The following EMP2 variants were observed in gnomAD, a reference collection of about 807,000 sequenced individuals.
EMP2 encodes the protein epithelial membrane protein 2.
EMP2 carries 19 observed loss-of-function variants against 13.7 expected under a neutral mutation model. That is an observed-to-expected ratio of 1.38 (90% CI 0.97 to 2.03). The LOEUF is 2.03. Ranked by LOEUF, EMP2 falls within the 30% of genes most tolerant of loss-of-function variation. The probability of loss-of-function intolerance (pLI) is 0.00; values close to 1 mark genes in which losing one functional copy is unlikely to be tolerated. For synonymous variants in EMP2, 97 were observed against 84.7 expected (o/e 1.15, Z -0.80); for missense variants, 253 against 220.7 (o/e 1.15, Z -0.93).
intron 1 of EMP2, among the ~76,000 whole-genome samples, chr16:10,571,158 T>C (rs1054722249): frequency 6.9e-6 from 1 of 145,808 alleles, no homozygotes; most frequent in Non-Finnish European, 1.5e-5. Context: ...TTTGGAGGCT[T>C]AGGCAGGAGA....
At chr16:10,575,526 T>C (rs190387755) in intron 1 of EMP2, among the ~76,000 whole-genome samples, 3 of 151,996 alleles carry the variant, frequency 2.0e-5, no homozygotes, top group African/African-American at 7.2e-5. Context: ...AGTTCTGGGA[T>C]TACAGGCGTG....
chr16:10,547,383 A>T, intron 2 of EMP2, 157 bp downstream of exon 2: 1 of 777,014 alleles, frequency 1.3e-6, no homozygotes, highest in South Asian at 2.0e-5. Context: ...GGCCTCCCAG[A>T]CATGTGGAAT....
chr16:10,577,377 G>A (rs1001297293), intron 1 of EMP2, among the ~76,000 whole-genome samples: 3 of 152,086 alleles, frequency 2.0e-5, no homozygotes, highest in Admixed American at 1.3e-4. Flanking sequence ...GCACTCTCTC[G>A]CTGGGTGGCA....
intron 1 of EMP2, among the ~76,000 whole-genome samples, chr16:10,560,281 G>A (rs886918669): frequency 6.6e-5 from 10 of 152,290 alleles, no homozygotes; most frequent in African/African-American, 9.6e-5. Context: ...TGGGGACAAC[G>A]GAAGCAGAGA....
intron 1 of EMP2, among the ~76,000 whole-genome samples, chr16:10,579,987 T>A (rs1875926): frequency 0.66 from 100,023 of 152,082 alleles, 33,165 homozygotes; most frequent in South Asian, 0.73. Context: ...CCCAAGCCCT[T>A]CTAGAGTTGG....
intron 4 of EMP2, among the ~76,000 whole-genome samples, chr16:10,534,225 G>C (rs1412106278): frequency 1.3e-5 from 2 of 152,124 alleles, no homozygotes; most frequent in Non-Finnish European, 2.9e-5. Flanking sequence ...TGTCGGGGCA[G>C]GATGAAATAT....
chr16:10,565,119 C>T (rs1462410784), intron 1 of EMP2, among the ~76,000 whole-genome samples: 6 of 152,170 alleles, frequency 3.9e-5, no homozygotes, highest in Admixed American at 1.3e-4. Flanking sequence ...AAGTCATATT[C>T]GCACAAAACT....
At chr16:10,574,406 T>A (rs1165594327) in intron 1 of EMP2, among the ~76,000 whole-genome samples, 3 of 151,888 alleles carry the variant, frequency 2.0e-5, no homozygotes, top group African/African-American at 7.3e-5. Context: ...CTTGGGGATG[T>A]GGAAGGGAAG....
chr16:10,566,476 C>A (rs1333754636), intron 1 of EMP2, among the ~76,000 whole-genome samples: 1 of 152,166 alleles, frequency 6.6e-6, no homozygotes, highest in African/African-American at 2.4e-5. Flanking sequence ...AGCTAAGACT[C>A]CCCCCTTGAT....
chr16:10,570,894 G>A (rs1475105567), intron 1 of EMP2, among the ~76,000 whole-genome samples: 1 of 152,062 alleles, frequency 6.6e-6, no homozygotes, highest in African/African-American at 2.4e-5. Flanking sequence ...ACAGAAAGAG[G>A]AAGGCAATGT....
rs960552631 is a variant in EMP2, at chr16:10,531,334, CTTTTT to C, written c.*1566_*1570del. 1.3e-5 allele frequency: 2 copies of C among 151,834 alleles called. No individual in the cohort carries two copies. The highest frequency in any genetic ancestry group is 2.4e-5 in the African/African-American group (1 of 40,934). The allele number at this position is 151,834 out of a possible 1,614,324, so 9.4% of individuals were successfully genotyped here. A position where few individuals can be genotyped will look rare whatever the true frequency, so the allele number is the denominator to read the frequency against. On this transcript the variant is annotated 3_prime_UTR_variant, in exon 5 of 5. Transcript: ENST00000359543. The stretch of plus-strand genomic sequence containing the variant: ...TCACAGTGTGTAATTAGTTTCTTTT[CTTTTT>C]TTTCTTTTTTTGAGATGGAGTCTCA...
intron 1 of EMP2, among the ~76,000 whole-genome samples, chr16:10,555,733 A>G (rs1002435292): frequency 1.3e-5 from 2 of 152,036 alleles, no homozygotes; most frequent in East Asian, 1.9e-4. Context: ...GATTACAGGC[A>G]TGCGCCACCA....
intron 1 of EMP2, among the ~76,000 whole-genome samples, chr16:10,573,077 TC>T (rs1417729361): frequency 2.6e-5 from 4 of 152,084 alleles, no homozygotes; most frequent in Non-Finnish European, 5.9e-5. Flanking sequence ...AGAGATGGGG[TC>T]TTGCTCTGTC....
At chr16:10,571,925 C>A (rs145849313) in intron 1 of EMP2, among the ~76,000 whole-genome samples, 1 of 152,202 alleles carries the variant, frequency 6.6e-6, no homozygotes, top group Non-Finnish European at 1.5e-5. Context: ...TGCTGTCAGC[C>A]TCTCCTGGGC....
chr16:10,551,219 T>A (rs1757121723), intron 1 of EMP2, among the ~76,000 whole-genome samples: 1 of 152,212 alleles, frequency 6.6e-6, no homozygotes, highest in Admixed American at 6.5e-5. Flanking sequence ...ATTTTAGATA[T>A]TTCATATCGT....
chr16:10,530,782 T>TGTC lies in EMP2; in HGVS notation c.*2120_*2122dup, dbSNP rs1305108802. The TGTC allele has an allele frequency of 6.6e-6, 1 of 152,220 alleles. No homozygotes were observed. Among genetic ancestry groups the TGTC allele is most frequent in the Non-Finnish European group, 1.5e-5 (1 of 68,056 alleles). 9.4% of individuals were successfully genotyped at this position (152,220 alleles called of 1,614,324 possible). On this transcript the variant is annotated 3_prime_UTR_variant, in exon 5 of 5. Coordinates refer to ENST00000359543, the MANE Select transcript of EMP2 (RefSeq NM_001424.6). ...TATGGGACCCTCTCACCGCATTTAC[T>TGTC]GTCGGGACCATGGGCCCCTCCACAG... is the stretch of plus-strand genomic sequence containing the variant.
At chr16:10,553,825 C>T (rs997294074) in intron 1 of EMP2, among the ~76,000 whole-genome samples, 2 of 152,228 alleles carry the variant, frequency 1.3e-5, no homozygotes, top group Non-Finnish European at 2.9e-5. Context: ...AACGAGCAAC[C>T]TTCCACTTAT....
In EMP2 at chr16:10,533,051, G is replaced by A. The variant is rs375225242; in HGVS notation, c.358C>T (p.Arg120Cys). The A allele has an allele frequency of 1.7e-5, 27 of 1,608,316 alleles. No individual in the cohort carries two copies. The African/African-American group carries it at 3.2e-4, about 19-fold the overall frequency. The change falls in exon 5 of 5, where the codon CGT (arginine) becomes TGT (cysteine). Residue 120 changes from arginine (R) to cysteine (C), a missense_variant. By Grantham distance (180) the Arg-to-Cys change is radical. Coordinates refer to ENST00000359543, the MANE Select transcript of EMP2 (RefSeq NM_001424.6). ...MIAASIYTDR[R>C]EDIHDKNAKF... ...GCGTTTTTGTCGTGAATGTCTTCAC[G>A]CCTGTCTGTATAAATGGAGGCCGCA...
intron 2 of EMP2, chr16:10,546,539 A>T (rs2050740349): frequency 6.6e-6 from 1 of 152,132 alleles, no homozygotes; most frequent in Non-Finnish European, 1.5e-5. Context: ...GCTGGGGAGG[A>T]CATGGCCGGG....
Sources: gnomAD v4.1 joint callset for allele counts (sites outside exome capture counted in the v4.1 genomes callset) on GRCh38, gnomAD v4.1.1 for gene constraint, MANE v1.5 for transcripts, NCBI Gene and HGNC (gene_info 2026-07-23, HGNC 2026-07-21) for gene names.